ANXA1: variants seen among roughly 807,000 people sequenced by gnomAD.
The protein encoded by ANXA1 is annexin A1.
ANXA1 carries 39 observed loss-of-function variants against 47.9 expected under a neutral mutation model. That is an observed-to-expected ratio of 0.81 (90% CI 0.63 to 1.06). The LOEUF (loss-of-function observed/expected upper bound fraction) is 1.06, where lower values mean the gene tolerates loss of function less well. ANXA1 is among the 50% of genes least tolerant of loss of function. The pLI is 0.00. For synonymous variants in ANXA1, 146 were observed against 142.5 expected, an observed-to-expected ratio of 1.02 and a Z score of -0.17; for missense variants, 446 against 422.7, an observed-to-expected ratio of 1.06 and a Z score of -0.48.
chr9:73,160,492 A>G, intron 5 of ANXA1, 116 bp downstream of exon 5: 1 of 656,760 alleles, frequency 1.5e-6, no homozygotes. Flanking sequence ...TGGGAGTTTG[A>G]AGAATAAATA....
rs1036187691 is a variant in ANXA1, at chr9:73,162,919, C to A, written c.555+58C>A. On this transcript the variant is annotated intron_variant, in intron 7 of 12. Transcript: ENST00000257497. Reference sequence around the variant, plus strand: ...GTTTTATAAAGACTAATTTCTTAGTCCATTTTGTGTTGCTATAAGGGAATA... The same window carrying A: ...GTTTTATAAAGACTAATTTCTTAGTACATTTTGTGTTGCTATAAGGGAATA... The A allele has an allele frequency of 5.8e-6, 8 of 1,390,836 alleles. No homozygotes were observed. The Admixed American group carries it at 8.9e-5, about 15-fold the overall frequency. The allele number at this position is 1,390,836 out of a possible 1,614,324, so 86.2% of individuals were successfully genotyped here.
At chr9:73,159,190 C>A in intron 3 of ANXA1, 139 bp from the exon 4 acceptor site, 1 of 686,750 alleles carries the variant, frequency 1.5e-6, no homozygotes, top group Non-Finnish European at 2.4e-6. Context: ...AGTATAGCAT[C>A]GATTTTTTAG....
chr9:73,153,952 C>T (rs1380906400), intron 1 of ANXA1, among the ~76,000 whole-genome samples: 1 of 151,988 alleles, frequency 6.6e-6, no homozygotes, highest in African/African-American at 2.4e-5. Context: ...GGAAGGTCAC[C>T]GAATCCAGTG....
At chr9:73,157,053 CAAAAGA>C (rs1824059062) in intron 1 of ANXA1, among the ~76,000 whole-genome samples, 1 of 152,036 alleles carries the variant, frequency 6.6e-6, no homozygotes, top group Non-Finnish European at 1.5e-5. Context: ...TAGAGTTTGC[CAAAAGA>C]ACATGCATGT....
chr9:73,170,098 A>AAAG lies in ANXA1; in HGVS notation c.1032_1033insAAG (p.Gly344_Gly345insLys), dbSNP rs1563965487. On this transcript the variant is annotated inframe_insertion, in exon 13 of 13. Transcript: ENST00000257497. ...AGAAAATCCTGGTGGCTCTTTGTGG[A>AAAG]GGAAACTAAACATTCCCTTGATGGT... The AAAG allele has an allele frequency of 4.4e-6, 7 of 1,605,576 alleles. No individual in the cohort carries two copies. Among genetic ancestry groups the AAAG allele is most frequent in the African/African-American group, 2.7e-5 (2 of 74,748 alleles).
At chr9:73,151,949 TA>T (rs763469951) in intron 1 of ANXA1, 25 bp downstream of exon 1, 1 of 152,220 alleles carries the variant, frequency 6.6e-6, no homozygotes, top group Non-Finnish European at 1.5e-5. Context: ...TCCTTTTAGT[TA>T]GTTTTGGTTG....
intron 11 of ANXA1, chr9:73,168,241 A>G (rs1824264795): frequency 6.6e-6 from 1 of 152,210 alleles, no homozygotes; most frequent in Non-Finnish European, 1.5e-5. Flanking sequence ...AATTTGAATA[A>G]TATGAAATGA....
intron 1 of ANXA1, chr9:73,154,481 G>C: frequency 1.3e-6 from 1 of 742,172 alleles, no homozygotes; most frequent in Non-Finnish European, 2.0e-6. Context: ...TGTCGCCCAG[G>C]ATGGAGTGTA....
intron 4 of ANXA1, 45 bp downstream of exon 4, chr9:73,159,468 A>AAGTATAAC: frequency 6.5e-7 from 1 of 1,536,956 alleles, no homozygotes; most frequent in Non-Finnish European, 9.0e-7. Flanking sequence ...CAGCATAGTT[A>AAGTATAAC]TACTTAACCA....
At chr9:73,159,550 G>A (rs966781563) in intron 4 of ANXA1, 127 bp downstream of exon 4, 6 of 675,130 alleles carry the variant, frequency 8.9e-6, no homozygotes, top group Admixed American at 3.1e-5. Flanking sequence ...CTATGATTGG[G>A]ATTGCAGTGT....
At chr9:73,154,388 A>G (rs965832732) in intron 1 of ANXA1, 3 of 1,340,080 alleles carry the variant, frequency 2.2e-6, no homozygotes, top group Non-Finnish European at 1.0e-6. Context: ...CTTTTTGGTC[A>G]CTAATTCCCT....
chr9:73,152,340 A>C (rs1823985511), intron 1 of ANXA1, among the ~76,000 whole-genome samples: 1 of 152,196 alleles, frequency 6.6e-6, no homozygotes, highest in Non-Finnish European at 1.5e-5. Context: ...GCAAGAACAA[A>C]AGTGATAGGA....
At chr9:73,163,652 T>C in intron 8 of ANXA1, 120 bp downstream of exon 8, 5 of 973,858 alleles carry the variant, frequency 5.1e-6, no homozygotes, top group South Asian at 4.7e-5. Flanking sequence ...CTTCTTAATG[T>C]TCATTTCCTG....
intron 1 of ANXA1, among the ~76,000 whole-genome samples, chr9:73,153,920 T>G (rs75071948): frequency 0.021 from 3,180 of 152,132 alleles, 48 homozygotes; most frequent in Middle Eastern, 0.051. Context: ...AGGGGTGAAG[T>G]CAGGATGCTT....
intron 10 of ANXA1, among the ~76,000 whole-genome samples, chr9:73,167,133 G>A (rs1824244363): frequency 6.6e-6 from 1 of 151,990 alleles, no homozygotes; most frequent in South Asian, 2.1e-4. Flanking sequence ...TTCATAGGGT[G>A]TTCTTTTTAA....
chr9:73,168,281 T>C (rs1168711906), intron 11 of ANXA1: 1 of 152,196 alleles, frequency 6.6e-6, no homozygotes, highest in Non-Finnish European at 1.5e-5. Context: ...TCTGTAGTGG[T>C]TAGCATAGTT....
intron 10 of ANXA1, among the ~76,000 whole-genome samples, chr9:73,166,627 A>C (rs532391035): frequency 1.3e-5 from 2 of 152,228 alleles, no homozygotes; most frequent in South Asian, 4.1e-4. Flanking sequence ...TTGGCCTCTA[A>C]AAATCGGTAC....
chr9:73,157,639 GAA>G (rs1824069469), intron 1 of ANXA1: 1 of 99,674 alleles, frequency 1.0e-5, no homozygotes. Flanking sequence ...GGGCGACAGA[GAA>G]AGACTCCATC....
At chr9:73,163,405 T>C (rs1824176166) in intron 7 of ANXA1, 71 bp from the exon 8 acceptor site, 1 of 1,411,144 alleles carries the variant, frequency 7.1e-7, no homozygotes. Context: ...TTATCTGAGT[T>C]TAAGATAATT....
Sources: allele counts gnomAD v4.1 joint callset (sites outside exome capture counted in the v4.1 genomes callset), GRCh38; gene constraint gnomAD v4.1.1; transcripts MANE v1.5; gene names NCBI Gene and HGNC (gene_info 2026-07-23, HGNC 2026-07-21).